RAC1: variants seen among roughly 807,000 people sequenced by gnomAD.
The protein encoded by RAC1 is Rac family small GTPase 1, also known as ras-related C3 botulinum toxin substrate 1.
In RAC1, 2 loss-of-function variants were observed where a neutral mutation model predicts 25.2. The ratio of observed to expected loss-of-function variants is 0.08; its 90% CI spans 0.03 to 0.25. The LOEUF is 0.25. Ranked by LOEUF, RAC1 falls within the 10% of genes least tolerant of loss-of-function variation. RAC1 has a pLI of 1.00. For synonymous variants in RAC1, 88 were observed against 94.0 expected (o/e 0.94, Z 0.37); for missense variants, 50 against 235.7 (o/e 0.21, Z 5.16).
At chr7:6,388,710 C>T (rs934419031) in intron 2 of RAC1, among the ~76,000 whole-genome samples, 1 of 151,962 alleles carries the variant, frequency 6.6e-6, no homozygotes, top group African/African-American at 2.4e-5. Flanking sequence ...TCCTTATCTA[C>T]ATATGTAGAT....
At chr7:6,398,676 C>T (rs1034208534) in intron 3 of RAC1, 14 of 1,613,688 alleles carry the variant, frequency 8.7e-6, no homozygotes, top group Middle Eastern at 1.6e-4. Context: ...GAGAAACGTA[C>T]GGTAAGGATA....
intron 3 of RAC1, chr7:6,399,857 T>A: frequency 2.1e-6 from 1 of 486,374 alleles, no homozygotes. Flanking sequence ...CCTGAGGGTC[T>A]GGTCTGATCC....
chr7:6,400,321 G>C (rs764645140), intron 4 of RAC1, 133 bp downstream of exon 4: 5 of 831,074 alleles, frequency 6.0e-6, no homozygotes, highest in Non-Finnish European at 9.6e-6. Context: ...TTAAGTACAT[G>C]ATTGGGTTTT....
intron 2 of RAC1, among the ~76,000 whole-genome samples, chr7:6,389,274 C>T (rs538276692): frequency 6.6e-6 from 1 of 152,074 alleles, no homozygotes; most frequent in African/African-American, 2.4e-5. Flanking sequence ...AAAGCTGTCA[C>T]TTTGCTGGCC....
At chr7:6,394,672 AGTT>A (rs141162322) in intron 3 of RAC1, among the ~76,000 whole-genome samples, 30 of 151,512 alleles carry the variant, frequency 2.0e-4, no homozygotes, top group Non-Finnish European at 2.4e-4. Flanking sequence ...CTAGGCTAAA[AGTT>A]GTTGTTGTTG....
At chr7:6,394,570 C>G (rs995045744) in intron 3 of RAC1, among the ~76,000 whole-genome samples, 38 of 152,132 alleles carry the variant, frequency 2.5e-4, no homozygotes, top group African/African-American at 8.9e-4. Context: ...TCCTGAGACT[C>G]AGGCTGTGCA....
Position 6,403,600 on chromosome 7 carries a change from T to G in RAC1, c.*1154T>G, listed in dbSNP as rs993458281. On this transcript the variant is annotated 3_prime_UTR_variant, in exon 6 of 6. Transcript: ENST00000348035. The stretch of plus-strand genomic sequence containing the variant: ...ATCATGTGTTGCAGCTTTATAGTTT[T>G]TAAAATATTTTAGATAATTCTTAAA... 3.7e-5 allele frequency: 8 copies of G among 214,940 alleles called. No homozygotes were observed. The highest frequency in any genetic ancestry group is 7.5e-5 in the Non-Finnish European group (8 of 106,298). 13.3% of individuals were successfully genotyped at this position (214,940 alleles called of 1,614,324 possible).
At chr7:6,391,799 A>G in intron 2 of RAC1, 125 bp from the exon 3 acceptor site, 1 of 1,470,028 alleles carries the variant, frequency 6.8e-7, no homozygotes, top group Non-Finnish European at 9.1e-7. Context: ...CTGCAGGGAC[A>G]TTTGCTGGTG....
chr7:6,374,884 G>C (rs1465832130), intron 1 of RAC1, 114 bp downstream of exon 1: 1 of 863,940 alleles, frequency 1.2e-6, no homozygotes. Context: ...CGTAGGCGGT[G>C]GGCCTGGGCC....
chr7:6,383,857 C>T (rs1045908280), intron 1 of RAC1, among the ~76,000 whole-genome samples: 1 of 119,384 alleles, frequency 8.4e-6, no homozygotes, highest in Non-Finnish European at 1.6e-5. Context: ...GGCTGGAGTG[C>T]AATGGCGCAA....
chr7:6,378,419 G>A (rs1317252600), intron 1 of RAC1, among the ~76,000 whole-genome samples: 1 of 152,010 alleles, frequency 6.6e-6, no homozygotes, highest in African/African-American at 2.4e-5. Context: ...GGTGGTGGGC[G>A]CCTGTAATCC....
chr7:6,385,420 C>A (rs1216382388), intron 1 of RAC1, among the ~76,000 whole-genome samples: 3 of 152,126 alleles, frequency 2.0e-5, no homozygotes, highest in Non-Finnish European at 4.4e-5. Flanking sequence ...TTGAAACTTG[C>A]CAAAAAATAC....
chr7:6,389,021 T>TAA (rs1282570781), intron 2 of RAC1, among the ~76,000 whole-genome samples: 2 of 151,378 alleles, frequency 1.3e-5, no homozygotes, highest in African/African-American at 4.9e-5. Context: ...GCCAACATGT[T>TAA]AAAACCCCCA....
intron 3 of RAC1, among the ~76,000 whole-genome samples, chr7:6,396,110 A>T (rs1783228510): frequency 6.6e-6 from 1 of 152,198 alleles, no homozygotes; most frequent in South Asian, 2.1e-4. Context: ...AGTCTGGGTT[A>T]GTCAGAAAGG....
intron 1 of RAC1, among the ~76,000 whole-genome samples, chr7:6,376,646 C>G (rs1433886531): frequency 6.8e-6 from 1 of 147,262 alleles, no homozygotes; most frequent in Admixed American, 6.8e-5. Context: ...GGATTACAGG[C>G]GCAAGCCACC....
intron 4 of RAC1, among the ~76,000 whole-genome samples, chr7:6,400,587 A>G (rs568254971): frequency 6.6e-6 from 1 of 152,166 alleles, no homozygotes; most frequent in Non-Finnish European, 1.5e-5. Context: ...CAGCCTCCCA[A>G]AGTGGTGGGA....
chr7:6,397,960 G>T (rs530269574), intron 3 of RAC1, among the ~76,000 whole-genome samples: 2 of 152,356 alleles, frequency 1.3e-5, no homozygotes, highest in African/African-American at 4.8e-5. Flanking sequence ...TTGCACTCCA[G>T]CCTGGGCAAC....
rs1783468599 is a variant in RAC1 at position 6,403,174 on chromosome 7, A to G, written c.*728A>G. On this transcript the variant is annotated 3_prime_UTR_variant, in exon 6 of 6. Transcript: ENST00000348035. The stretch of plus-strand genomic sequence containing the variant: ...AAAGGACAAAGACAGTATTTTGACA[A>G]AATACGAAGTGGAGATTTACACTAC... 1 of 221,342 alleles carries G rather than the reference A, an allele frequency of 4.5e-6. No individual in the cohort carries two copies. The highest frequency in any genetic ancestry group is 1.8e-4 in the South Asian group (1 of 5,436). The allele number at this position is 221,342 out of a possible 1,614,324, so 13.7% of individuals were successfully genotyped here. A position where few individuals can be genotyped will look rare whatever the true frequency, so the allele number is the denominator to read the frequency against.
intron 1 of RAC1, among the ~76,000 whole-genome samples, chr7:6,379,901 A>T (rs1476727296): frequency 6.6e-6 from 1 of 152,148 alleles, no homozygotes; most frequent in Non-Finnish European, 1.5e-5. Flanking sequence ...GGCCCGAGCC[A>T]CTGCGCCCGG....
Sources: allele counts gnomAD v4.1 joint callset (sites outside exome capture counted in the v4.1 genomes callset), GRCh38; gene constraint gnomAD v4.1.1; transcripts MANE v1.5; gene names NCBI Gene and HGNC (gene_info 2026-07-23, HGNC 2026-07-21).